STPG2: variants seen among roughly 807,000 people sequenced by gnomAD.
STPG2 encodes the protein sperm-tail PG-rich repeat-containing protein 2.
STPG2 carries 56 observed loss-of-function variants against 54.2 expected under a neutral mutation model. The ratio of observed to expected loss-of-function variants is 1.03; its 90% CI spans 0.83 to 1.29. The LOEUF (loss-of-function observed/expected upper bound fraction) is 1.29, where lower values mean the gene tolerates loss of function less well. STPG2 is among the 50% of genes most tolerant of loss of function. STPG2 has a pLI of 0.00. For synonymous variants in STPG2, 200 were observed against 181.8 expected, an observed-to-expected ratio of 1.10 and a Z score of -0.81; for missense variants, 596 against 544.9, an observed-to-expected ratio of 1.09 and a Z score of -0.93.
chr4:97,691,656 A>T (rs921641624), intron 10 of STPG2, among the ~76,000 whole-genome samples: 1 of 151,850 alleles, frequency 6.6e-6, no homozygotes, highest in African/African-American at 2.4e-5. Context: ...CCACCACCTA[A>T]CCCTAGGGCA....
chr4:97,783,287 A>G (rs1297432669), intron 9 of STPG2, among the ~76,000 whole-genome samples: 1 of 152,236 alleles, frequency 6.6e-6, no homozygotes, highest in African/African-American at 2.4e-5. Context: ...CCACTTCTCA[A>G]AGAAGACATT....
intron 4 of STPG2, among the ~76,000 whole-genome samples, chr4:97,487,102 T>A (rs867236197): frequency 8.0e-5 from 12 of 149,392 alleles, no homozygotes; most frequent in Admixed American, 2.7e-4. Context: ...GGAGGAAGGG[T>A]GGGAGTAGGG....
chr4:97,908,026 A>G (rs1731515551), intron 8 of STPG2, among the ~76,000 whole-genome samples: 1 of 152,236 alleles, frequency 6.6e-6, no homozygotes, highest in South Asian at 2.1e-4. Flanking sequence ...ATGGGATCTT[A>G]TTAAACTAAA....
At chr4:97,897,859 T>C (rs1176336235) in intron 8 of STPG2, among the ~76,000 whole-genome samples, 2 of 152,216 alleles carry the variant, frequency 1.3e-5, no homozygotes, top group Non-Finnish European at 2.9e-5. Flanking sequence ...GTAGGTTGTC[T>C]GTTCACTCTG....
intron 10 of STPG2, among the ~76,000 whole-genome samples, chr4:97,601,982 T>C (rs1733474121): frequency 7.0e-6 from 1 of 143,208 alleles, no homozygotes; most frequent in Non-Finnish European, 1.5e-5. Context: ...GATTTATTTC[T>C]ATGTACCCCA....
chr4:97,712,819 G>A lies in STPG2; in HGVS notation c.1205-5C>T, dbSNP rs1197477170. 8.4e-6 allele frequency: 13 copies of A among 1,551,896 alleles called. No individual in the cohort carries two copies. The highest frequency in any genetic ancestry group is 1.1e-5 in the Non-Finnish European group (13 of 1,143,966). ...CAGGATTGTATGCTGCAGGACCTGA[G>A]AGACAACAAATGTAAAAATTATGAT... On this transcript the variant is annotated splice_polypyrimidine_tract_variant and splice_region_variant and intron_variant, in intron 9 of 10. Transcript: ENST00000295268.
At chr4:97,459,440 GTT>G (rs564314656) in intron 4 of STPG2, among the ~76,000 whole-genome samples, 5 of 122,474 alleles carry the variant, frequency 4.1e-5, no homozygotes, top group East Asian at 2.3e-4. Context: ...GTTTTTTTTT[GTT>G]TTTTTTTTTT....
chr4:97,475,692 T>C (rs1254578074), intron 4 of STPG2, among the ~76,000 whole-genome samples: 1 of 152,170 alleles, frequency 6.6e-6, no homozygotes, highest in African/African-American at 2.4e-5. Flanking sequence ...CACTGTTAAT[T>C]GCTCTGCTCT....
At chr4:97,781,882 GC>G (rs565293187) in intron 9 of STPG2, among the ~76,000 whole-genome samples, 295 of 152,206 alleles carry the variant, frequency 1.9e-3, no homozygotes, top group African/African-American at 7.0e-3. Flanking sequence ...AAATTCAACA[GC>G]CCTTCATGCT....
intron 4 of STPG2, among the ~76,000 whole-genome samples, chr4:97,470,800 T>C (rs984347664): frequency 2.0e-5 from 3 of 152,128 alleles, no homozygotes; most frequent in African/African-American, 4.8e-5. Context: ...ATGACTGATA[T>C]AGGCATTGTG....
chr4:98,120,854 TTGTC>T (rs1739658588), intron 3 of STPG2, among the ~76,000 whole-genome samples: 1 of 152,122 alleles, frequency 6.6e-6, no homozygotes. Context: ...ATTCTGTAGG[TTGTC>T]TGTTTGTGCT....
intron 10 of STPG2, among the ~76,000 whole-genome samples, chr4:97,699,464 A>G (rs1191452008): frequency 1.3e-5 from 2 of 152,238 alleles, no homozygotes; most frequent in South Asian, 2.1e-4. Context: ...TACCTCTTCC[A>G]TAAATTTCTT....
chr4:97,648,571 T>G (rs1304414624), intron 10 of STPG2, among the ~76,000 whole-genome samples: 4 of 152,102 alleles, frequency 2.6e-5, no homozygotes, highest in African/African-American at 4.8e-5. Flanking sequence ...AAAATGAACA[T>G]AGGCTTTGAA....
chr4:97,502,296 C>A (rs1730742943), intron 4 of STPG2, among the ~76,000 whole-genome samples: 1 of 151,624 alleles, frequency 6.6e-6, no homozygotes, highest in Non-Finnish European at 1.5e-5. Context: ...AAAAAAAATA[C>A]CTTAGGCAAA....
chr4:98,036,469 T>C (rs924512788), intron 5 of STPG2, among the ~76,000 whole-genome samples: 2 of 151,770 alleles, frequency 1.3e-5, no homozygotes, highest in South Asian at 2.1e-4. Flanking sequence ...TGAAATACTA[T>C]GCAGCAATAA....
At chr4:97,800,086 A>G (rs1186504678) in intron 9 of STPG2, among the ~76,000 whole-genome samples, 2 of 152,058 alleles carry the variant, frequency 1.3e-5, no homozygotes, top group African/African-American at 4.8e-5. Context: ...CATTCATCTA[A>G]CCTTTTTTCA....
At chr4:97,543,234 T>A (rs1731760269) in intron 4 of STPG2, among the ~76,000 whole-genome samples, 1 of 151,516 alleles carries the variant, frequency 6.6e-6, no homozygotes, top group African/African-American at 2.4e-5. Context: ...GAAAAGAAAT[T>A]TCGTTTATAA....
intron 7 of STPG2, among the ~76,000 whole-genome samples, chr4:97,971,760 C>A (rs185092163): frequency 9.2e-5 from 14 of 152,000 alleles, no homozygotes; most frequent in Middle Eastern, 3.4e-3. Flanking sequence ...AACAAACCTG[C>A]ACGTTCTGCA....
intron 10 of STPG2, among the ~76,000 whole-genome samples, chr4:97,712,213 A>C (rs184146259): frequency 1.1e-4 from 17 of 152,256 alleles, no homozygotes; most frequent in African/African-American, 4.1e-4. Context: ...AAAATCTTTC[A>C]GGTTATGATC....
Sources: allele counts gnomAD v4.1 joint callset (sites outside exome capture counted in the v4.1 genomes callset), GRCh38; gene constraint gnomAD v4.1.1; transcripts MANE v1.5; gene names NCBI Gene and HGNC (gene_info 2026-07-23, HGNC 2026-07-21).